HS6ST3: variants seen among roughly 807,000 people sequenced by gnomAD.
HS6ST3 encodes the protein heparan sulfate 6-O-sulfotransferase 3, also known as heparan-sulfate 6-O-sulfotransferase 3.
Under a neutral mutation model 36.7 loss-of-function variants are expected in HS6ST3, and 12 were observed. That is an observed-to-expected ratio of 0.33 (90% confidence interval 0.21 to 0.53). The LOEUF is 0.53. Among genes scored for constraint, HS6ST3 ranks in the 20% least tolerant of loss-of-function variants. The probability of loss-of-function intolerance (pLI) is 0.95; values close to 1 mark genes in which losing one functional copy is unlikely to be tolerated. For missense variants in HS6ST3, 584 were observed against 640.9 expected (o/e 0.91, Z 0.96); for synonymous variants, 240 against 257.5 (o/e 0.93, Z 0.65).
chr13:96,435,187 C>T (rs995652645), intron 1 of HS6ST3, among the ~76,000 whole-genome samples: 2 of 152,186 alleles, frequency 1.3e-5, no homozygotes, highest in African/African-American at 4.8e-5. Flanking sequence ...GTTTCAAAGA[C>T]AGTTTTGAAA....
chr13:96,766,714 A>C (rs1445411400), intron 1 of HS6ST3, among the ~76,000 whole-genome samples: 2 of 152,164 alleles, frequency 1.3e-5, no homozygotes, highest in Non-Finnish European at 2.9e-5. Flanking sequence ...TTATTTTCTG[A>C]TGAAAATAAT....
chr13:96,822,083 G>C (rs1195271464), intron 1 of HS6ST3, among the ~76,000 whole-genome samples: 4 of 152,196 alleles, frequency 2.6e-5, no homozygotes, highest in Non-Finnish European at 5.9e-5. Context: ...TAGCTAAGAC[G>C]AGAGCATGGC....
Position 96,833,228 on chromosome 13 carries a change from G to C in HS6ST3, c.*30G>C. On this transcript the variant is annotated 3_prime_UTR_variant, in exon 2 of 2. Coordinates refer to ENST00000376705, the MANE Select transcript of HS6ST3 (RefSeq NM_153456.4). ...CTGCCCTCTCCTCTCTCAGGAGGGGGAGGGTGAGCAGGCACATTGACTTTC... is the reference window on the plus strand; with the variant it reads ...CTGCCCTCTCCTCTCTCAGGAGGGGCAGGGTGAGCAGGCACATTGACTTTC... The C allele has an allele frequency of 6.8e-7, 1 of 1,470,150 alleles. No homozygotes were observed. Among genetic ancestry groups the C allele is most frequent in the Non-Finnish European group, 9.0e-7 (1 of 1,113,112 alleles). 91.1% of individuals were successfully genotyped at this position (1,470,150 alleles called of 1,614,324 possible). A position where few individuals can be genotyped will look rare whatever the true frequency, so the allele number is the denominator to read the frequency against.
intron 1 of HS6ST3, among the ~76,000 whole-genome samples, chr13:96,322,970 C>T (rs949018435): frequency 6.6e-6 from 1 of 152,144 alleles, no homozygotes; most frequent in African/African-American, 2.4e-5. Flanking sequence ...TCCTACCTCA[C>T]AGGTGATTCT....
intron 1 of HS6ST3, among the ~76,000 whole-genome samples, chr13:96,363,002 T>G (rs537564820): frequency 6.6e-6 from 1 of 152,082 alleles, no homozygotes; most frequent in Non-Finnish European, 1.5e-5. Context: ...GAGGTTGGCA[T>G]GGGTTAGGGA....
intron 1 of HS6ST3, among the ~76,000 whole-genome samples, chr13:96,735,412 C>T (rs2138480243): frequency 6.6e-6 from 1 of 152,240 alleles, no homozygotes; most frequent in Non-Finnish European, 1.5e-5. Flanking sequence ...TAATATCAAT[C>T]ATAAGTTACC....
At chr13:96,139,101 C>G (rs1373536916) in intron 1 of HS6ST3, among the ~76,000 whole-genome samples, 1 of 152,020 alleles carries the variant, frequency 6.6e-6, no homozygotes, top group East Asian at 1.9e-4. Context: ...GGAATTGTCA[C>G]TTGAAGATTT....
chr13:96,248,978 A>G lies in HS6ST3; in HGVS notation c.707+157409A>G, dbSNP rs117829016. Among the ~76,000 whole-genome samples the G allele has an allele frequency of 9.1e-3, 1,383 of 152,234 alleles. 15 individuals carry two copies. The highest frequency in any genetic ancestry group is 0.014 in the Non-Finnish European group (962 of 68,004). On this transcript the variant is annotated intron_variant, in intron 1 of 1. Transcript: ENST00000376705. ...TCACCCAGTAGGTTTATAGCCTTTC[A>G]TGGATTTCTTGACAGTTCTCTCCAT...
intron 1 of HS6ST3, among the ~76,000 whole-genome samples, chr13:96,663,694 C>G: frequency 6.6e-6 from 1 of 152,152 alleles, no homozygotes; most frequent in East Asian, 1.9e-4. Flanking sequence ...CAAAGAATTG[C>G]ATGTGGATTT....
Position 96,717,974 on chromosome 13 carries a change from G to A in HS6ST3, c.708-114516G>A, listed in dbSNP as rs572492183. Among the ~76,000 whole-genome samples the A allele has an allele frequency of 1.4e-3, 212 of 152,208 alleles. 1 individual carries two copies. Among genetic ancestry groups the A allele is most frequent in the Non-Finnish European group, 2.4e-3 (166 of 68,008 alleles). The stretch of plus-strand genomic sequence containing the variant: ...CATTACATTTGACTTTCCCTGACTT[G>A]CAAAATAAAATTGTCACAAACTTGC... On this transcript the variant is annotated intron_variant, in intron 1 of 1. Coordinates refer to ENST00000376705, the MANE Select transcript of HS6ST3 (RefSeq NM_153456.4).
intron 1 of HS6ST3, among the ~76,000 whole-genome samples, chr13:96,494,527 A>G (rs1403522251): frequency 6.6e-6 from 1 of 151,558 alleles, no homozygotes; most frequent in Non-Finnish European, 1.5e-5. Context: ...ATGTACCCTA[A>G]AACTTAAAGT....
At chr13:96,276,038 C>T (rs12872537) in intron 1 of HS6ST3, among the ~76,000 whole-genome samples, 24 of 151,958 alleles carry the variant, frequency 1.6e-4, no homozygotes, top group African/African-American at 4.8e-5. Flanking sequence ...TGCCTTGCCT[C>T]TCCCATATGC....
intron 1 of HS6ST3, among the ~76,000 whole-genome samples, chr13:96,650,333 G>C (rs568154388): frequency 7.9e-5 from 12 of 151,972 alleles, no homozygotes; most frequent in Non-Finnish European, 1.8e-4. Flanking sequence ...GGCACTAGCA[G>C]ACACTATAAA....
intron 1 of HS6ST3, among the ~76,000 whole-genome samples, chr13:96,454,098 G>A (rs1363943251): frequency 1.3e-5 from 2 of 152,102 alleles, no homozygotes; most frequent in East Asian, 3.9e-4. Context: ...TCTGAGTCCA[G>A]GGTTTCCGCT....
At chr13:96,645,184 G>T (rs2056584650) in intron 1 of HS6ST3, among the ~76,000 whole-genome samples, 1 of 151,858 alleles carries the variant, frequency 6.6e-6, no homozygotes, top group East Asian at 1.9e-4. Context: ...GGATTGCAAA[G>T]ATAGAAAGTT....
At chr13:96,409,393 G>C (rs992846796) in intron 1 of HS6ST3, among the ~76,000 whole-genome samples, 3 of 152,200 alleles carry the variant, frequency 2.0e-5, no homozygotes, top group African/African-American at 7.2e-5. Context: ...TCTGTATAAT[G>C]CTGCTATTTT....
chr13:96,558,736 T>A (rs2056250582), intron 1 of HS6ST3, among the ~76,000 whole-genome samples: 1 of 152,250 alleles, frequency 6.6e-6, no homozygotes, highest in Admixed American at 6.5e-5. Flanking sequence ...TTAAGAATGA[T>A]AATTGTAACA....
chr13:96,684,895 G>T (rs1874726623), intron 1 of HS6ST3, among the ~76,000 whole-genome samples: 1 of 151,994 alleles, frequency 6.6e-6, no homozygotes, highest in African/African-American at 2.4e-5. Flanking sequence ...AATGCTCTGT[G>T]TTTATGTGTA....
At chr13:96,741,971 T>G (rs888082224) in intron 1 of HS6ST3, among the ~76,000 whole-genome samples, 3 of 152,154 alleles carry the variant, frequency 2.0e-5, no homozygotes, top group African/African-American at 4.8e-5. Context: ...ATTCATTGGT[T>G]TCCCAAGGTT....
Sources: allele counts gnomAD v4.1 joint callset (sites outside exome capture counted in the v4.1 genomes callset), GRCh38; gene constraint gnomAD v4.1.1; transcripts MANE v1.5; gene names NCBI Gene and HGNC (gene_info 2026-07-23, HGNC 2026-07-21).